The following R3HDM1 variants were observed in gnomAD, a reference collection of about 807,000 sequenced individuals.
The protein encoded by R3HDM1 is R3H domain containing 1.
Under a neutral mutation model 141.1 loss-of-function variants are expected in R3HDM1, and 46 were observed. The ratio of observed to expected loss-of-function variants is 0.33; its 90% CI spans 0.26 to 0.42. R3HDM1 has a LOEUF of 0.42. R3HDM1 is among the 10% of genes least tolerant of loss of function. The pLI, the probability that R3HDM1 is intolerant of heterozygous loss-of-function variation, is 1.00. For missense variants in R3HDM1, 1,184 were observed against 1,368.3 expected (o/e 0.87, Z 2.12); for synonymous variants, 435 against 472.9 (o/e 0.92, Z 1.04).
chr2:135,631,251 T>C (rs184453721), intron 7 of R3HDM1, among the ~76,000 whole-genome samples: 74 of 152,268 alleles, frequency 4.9e-4, no homozygotes, highest in African/African-American at 1.8e-3. Flanking sequence ...TGAGCCTAAC[T>C]AAAGATGTCT....
chr2:135,604,160 T>C (rs2059852390), intron 2 of R3HDM1, among the ~76,000 whole-genome samples: 1 of 152,234 alleles, frequency 6.6e-6, no homozygotes, highest in Non-Finnish European at 1.5e-5. Context: ...GCTGAACATA[T>C]TTGTTAATCC....
intron 5 of R3HDM1, among the ~76,000 whole-genome samples, chr2:135,621,004 T>C (rs537621098): frequency 9.9e-5 from 15 of 152,172 alleles, no homozygotes; most frequent in African/African-American, 2.6e-4. Context: ...TTTGGAAATG[T>C]TTGTACTTAA....
At chr2:135,571,408 C>T (rs1268117151) in intron 1 of R3HDM1, among the ~76,000 whole-genome samples, 1 of 151,952 alleles carries the variant, frequency 6.6e-6, no homozygotes, top group Non-Finnish European at 1.5e-5. Flanking sequence ...TCATTGCAAC[C>T]TCCACCTCCC....
At chr2:135,676,263 T>C (rs1053675506) in intron 20 of R3HDM1, among the ~76,000 whole-genome samples, 1 of 151,868 alleles carries the variant, frequency 6.6e-6, no homozygotes, top group Non-Finnish European at 1.5e-5. Context: ...AAGTGGAAGT[T>C]GCAGTGAGTC....
At chr2:135,655,764 G>A (rs773802928) in intron 18 of R3HDM1, among the ~76,000 whole-genome samples, 1 of 152,000 alleles carries the variant, frequency 6.6e-6, no homozygotes, top group Non-Finnish European at 1.5e-5. Context: ...AAAGTGCTGG[G>A]ATTACAGATG....
intron 21 of R3HDM1, among the ~76,000 whole-genome samples, chr2:135,702,645 G>A (rs1482900314): frequency 3.7e-5 from 5 of 136,952 alleles, no homozygotes; most frequent in Non-Finnish European, 6.2e-5. Context: ...GCAAGACTCC[G>A]TCTCAAAAAA....
chr2:135,616,208 TTGGTGTGC>T lies in R3HDM1; in HGVS notation c.213+19_213+26del. The stretch of plus-strand genomic sequence containing the variant: ...AAAGGTCTAAGGTATAGTAAATATT[TTGGTGTGC>T]TGGCATGCCAAGGGCCTTCCTTCAT... On this transcript the variant is annotated intron_variant, in intron 4 of 26. Coordinates refer to ENST00000683871, the MANE Select transcript of R3HDM1 (RefSeq NM_001378107.1). 6.2e-7 allele frequency: 1 copy of T among 1,608,814 alleles called. No individual in the cohort carries two copies.
At chr2:135,582,203 A>G (rs906934560) in intron 1 of R3HDM1, among the ~76,000 whole-genome samples, 13 of 152,030 alleles carry the variant, frequency 8.6e-5, no homozygotes, top group African/African-American at 3.1e-4. Flanking sequence ...GGTGGCGCAC[A>G]CCTGTAATCC....
At chr2:135,536,891 G>C (rs1228908220) in intron 1 of R3HDM1, 1 of 196,198 alleles carries the variant, frequency 5.1e-6, no homozygotes, top group Non-Finnish European at 9.2e-6. Context: ...GCGCATGCAA[G>C]GGATCTGGGT....
At chr2:135,586,227 AAGAGCTCAAT>A (rs1352322775) in intron 1 of R3HDM1, 1 of 152,338 alleles carries the variant, frequency 6.6e-6, no homozygotes, top group Non-Finnish European at 1.5e-5. Flanking sequence ...ATTGCTAATG[AAGAGCTCAAT>A]ATAGCTTCTG....
At chr2:135,722,584 T>C (rs2076797842) in intron 26 of R3HDM1, 31 bp downstream of exon 26, 1 of 1,588,548 alleles carries the variant, frequency 6.3e-7, no homozygotes, top group African/African-American at 1.4e-5. Context: ...TAGATGTGGG[T>C]CTGCAAACTG....
At chr2:135,532,222 C>T (rs946888722) in intron 1 of R3HDM1, among the ~76,000 whole-genome samples, 7 of 152,168 alleles carry the variant, frequency 4.6e-5, no homozygotes, top group African/African-American at 1.7e-4. Context: ...CCCTGTGGTA[C>T]CAGAAAAAGC....
In R3HDM1 at chr2:135,651,866, C is replaced by T; in HGVS notation, c.1862C>T (p.Thr621Ile). 6.2e-7 allele frequency: 1 copy of T among 1,614,076 alleles called. No individual in the cohort carries two copies. The highest frequency in any genetic ancestry group is 2.2e-5 in the East Asian group (1 of 44,880). The change falls in exon 18 of 27, where the codon ACA becomes ATA. Residue 621 changes from threonine to isoleucine, a missense_variant. Thr to Ile is a moderately conservative substitution (Grantham distance 89). This residue lies in a region of R3HDM1 where 563 missense variants were observed against 562.0 expected (regional missense o/e 1.00). Coordinates refer to ENST00000683871, the MANE Select transcript of R3HDM1 (RefSeq NM_001378107.1). The part of the protein sequence containing the change: ...QSPQQSGYIM[T>I]AAPPPHPPPP... Reference sequence around the variant, plus strand: ...CCACAGCAGTCTGGTTATATCATGACAGCAGCCCCTCCACCACATCCTCCT... The same window carrying T: ...CCACAGCAGTCTGGTTATATCATGATAGCAGCCCCTCCACCACATCCTCCT...
chr2:135,608,559 A>G (rs905757602), intron 3 of R3HDM1, among the ~76,000 whole-genome samples: 2 of 152,202 alleles, frequency 1.3e-5, no homozygotes, highest in African/African-American at 4.8e-5. Flanking sequence ...TGTTTTAAGC[A>G]TCAACAGGGA....
chr2:135,536,394 G>A (rs1362593537), intron 1 of R3HDM1: 3 of 288,478 alleles, frequency 1.0e-5, no homozygotes, highest in Admixed American at 6.5e-5. Flanking sequence ...CAATCCTCCT[G>A]CCTTAGCCTG....
At chr2:135,634,380 C>G (rs1224055058) in intron 9 of R3HDM1, among the ~76,000 whole-genome samples, 1 of 152,166 alleles carries the variant, frequency 6.6e-6, no homozygotes, top group Non-Finnish European at 1.5e-5. Flanking sequence ...ATGTCTCACG[C>G]CTGTAATCCC....
chr2:135,717,276 G>C (rs2076257991), intron 24 of R3HDM1, among the ~76,000 whole-genome samples: 2 of 152,188 alleles, frequency 1.3e-5, no homozygotes, highest in Middle Eastern at 3.4e-3. Flanking sequence ...TTGAGGTCAG[G>C]AGTTCGAGAC....
chr2:135,650,575 A>T lies in R3HDM1; in HGVS notation c.1725+572A>T, dbSNP rs1453705371. On this transcript the variant is annotated intron_variant, in intron 17 of 26. Transcript: ENST00000683871. Reference sequence around the variant, plus strand: ...TCCAAGGTGACTCTGAGAGTGGTATACAATTATGGTACTTCTGTTAACAAT... The same window carrying T: ...TCCAAGGTGACTCTGAGAGTGGTATTCAATTATGGTACTTCTGTTAACAAT... 7.1e-6 allele frequency: 7 copies of T among 980,708 alleles called. No individual in the cohort carries two copies. In the African/African-American group the frequency reaches 1.2e-4, roughly 17 times the overall value. The allele number at this position is 980,708 out of a possible 1,614,324, so 60.8% of individuals were successfully genotyped here.
chr2:135,720,361 G>A (rs1447336582), intron 24 of R3HDM1, among the ~76,000 whole-genome samples: 1 of 152,216 alleles, frequency 6.6e-6, no homozygotes, highest in Admixed American at 6.5e-5. Context: ...CTGTTATGAA[G>A]CTCTCAGGAG....
Sources: gnomAD v4.1 joint callset for allele counts (sites outside exome capture counted in the v4.1 genomes callset) on GRCh38, gnomAD v4.1.1 for gene constraint, gnomAD v4.1.1 regional missense constraint, MANE v1.5 for transcripts, NCBI Gene and HGNC (gene_info 2026-07-23, HGNC 2026-07-21) for gene names.